PTK2: variants seen among roughly 807,000 people sequenced by gnomAD.
The protein encoded by PTK2 is focal adhesion kinase 1.
Under a neutral mutation model 150.1 loss-of-function variants are expected in PTK2, and 45 were observed. That is an observed-to-expected ratio of 0.30 (90% CI 0.24 to 0.38). The LOEUF (loss-of-function observed/expected upper bound fraction) is 0.38, where lower values mean the gene tolerates loss of function less well. Among genes scored for constraint, PTK2 ranks in the 10% least tolerant of loss-of-function variants. The probability of loss-of-function intolerance (pLI) is 1.00; values close to 1 mark genes in which losing one functional copy is unlikely to be tolerated. For missense variants in PTK2, 919 were observed against 1,307.3 expected (o/e 0.70, Z 4.58); for synonymous variants, 432 against 449.2 (o/e 0.96, Z 0.48).
chr8:140,735,451 C>T (rs751136268), exon 22 of PTK2: 1 of 1,613,896 alleles, frequency 6.2e-7, no homozygotes. Flanking sequence ...CCCACATACA[C>T]ACACCTGTCA....
chr8:140,853,980 A>G (rs541372710), intron 5 of PTK2, among the ~76,000 whole-genome samples: 1 of 152,334 alleles, frequency 6.6e-6, no homozygotes, highest in East Asian at 1.9e-4. Flanking sequence ...TTATCTGAAA[A>G]CTTGTAAAAC....
intron 26 of PTK2, among the ~76,000 whole-genome samples, chr8:140,692,448 C>T (rs2100023718): frequency 6.6e-6 from 1 of 152,166 alleles, no homozygotes; most frequent in Non-Finnish European, 1.5e-5. Context: ...GAAACCCCAT[C>T]TCTACTAAAA....
At chr8:140,836,350 A>C (rs967038783) in intron 7 of PTK2, among the ~76,000 whole-genome samples, 1 of 152,190 alleles carries the variant, frequency 6.6e-6, no homozygotes, top group African/African-American at 2.4e-5. Context: ...GAGAATGCCC[A>C]TCTCTTCCTC....
intron 1 of PTK2, among the ~76,000 whole-genome samples, chr8:140,985,616 C>T (rs1315211557): frequency 1.3e-5 from 2 of 152,168 alleles, no homozygotes; most frequent in Non-Finnish European, 2.9e-5. Context: ...CCCCACCTGG[C>T]TAATTCCCAT....
intron 1 of PTK2, among the ~76,000 whole-genome samples, chr8:140,982,716 C>T (rs572391371): frequency 6.6e-6 from 1 of 152,294 alleles, no homozygotes; most frequent in East Asian, 1.9e-4. Context: ...TAAAGAAATG[C>T]ATCATGAATT....
chr8:140,715,559 C>T (rs1302672242), intron 23 of PTK2, among the ~76,000 whole-genome samples: 1 of 152,064 alleles, frequency 6.6e-6, no homozygotes, highest in Non-Finnish European at 1.5e-5. Context: ...GCTATACTGT[C>T]TCTGCCACAA....
At chr8:140,885,059 A>T (rs1008825456) in intron 3 of PTK2, among the ~76,000 whole-genome samples, 10 of 152,182 alleles carry the variant, frequency 6.6e-5, no homozygotes, top group African/African-American at 2.2e-4. Context: ...ATGGTGGTGT[A>T]ATCTTAAGCA....
intron 28 of PTK2, among the ~76,000 whole-genome samples, chr8:140,675,066 C>CAA (rs57165594): frequency 7.3e-6 from 1 of 136,634 alleles, no homozygotes. Context: ...ACTCTGTATC[C>CAA]AAAAAAAAAA....
intron 6 of PTK2, 134 bp downstream of exon 6, chr8:140,846,465 G>C: frequency 8.7e-7 from 1 of 1,152,258 alleles, no homozygotes; most frequent in Non-Finnish European, 1.3e-6. Flanking sequence ...CAAACCAATA[G>C]TTCATAATTT....
chr8:140,875,604 C>A (rs568768287), intron 4 of PTK2, among the ~76,000 whole-genome samples: 7 of 152,270 alleles, frequency 4.6e-5, no homozygotes, highest in African/African-American at 1.7e-4. Context: ...AATTGGATGG[C>A]TTACATTCTA....
intron 1 of PTK2, among the ~76,000 whole-genome samples, chr8:140,935,423 C>A (rs2100173267): frequency 6.6e-6 from 1 of 152,138 alleles, no homozygotes. Context: ...ATAAATAACA[C>A]CTAGGCTGCG....
Position 140,743,447 on chromosome 8 carries a change from A to G in PTK2, c.1635-117T>C, listed in dbSNP as rs2100056860. 1.4e-5 allele frequency: 8 copies of G among 573,434 alleles called. No individual in the cohort carries two copies. The South Asian group carries it at 2.4e-4, about 17-fold the overall frequency. 35.5% of individuals were successfully genotyped at this position (573,434 alleles called of 1,614,324 possible). A position where few individuals can be genotyped will look rare whatever the true frequency, so the allele number is the denominator to read the frequency against. On this transcript the variant is annotated intron_variant, in intron 19 of 31. Transcript: ENST00000522684. The stretch of plus-strand genomic sequence containing the variant: ...AAGACAGCTTATATACAATGCGAGC[A>G]GATTATATGATATTTATTATAGGAT...
chr8:140,694,164 C>T (rs1189255584), intron 26 of PTK2, among the ~76,000 whole-genome samples: 2 of 151,738 alleles, frequency 1.3e-5, no homozygotes, highest in African/African-American at 4.8e-5. Context: ...CCTTAGCCTC[C>T]TGAGTAGCTG....
chr8:140,769,507 C>T (rs2100074353), intron 14 of PTK2, 68 bp downstream of exon 16: 2 of 1,121,784 alleles, frequency 1.8e-6, no homozygotes, highest in Non-Finnish European at 2.4e-6. Context: ...TCATTAAATA[C>T]TAAACTATAT....
Position 140,818,259 on chromosome 8 carries a change from A to G in PTK2, c.867+18T>C. 7 of 1,598,552 alleles carry G rather than the reference A, an allele frequency of 4.4e-6. No homozygotes were observed. The highest frequency in any genetic ancestry group is 6.0e-6 in the Non-Finnish European group (7 of 1,166,716). ...CTTTGTGTAACGCCAAGTTCCCGAA[A>G]GGTCAGAGCAGACTTACATTGCAGC... On this transcript the variant is annotated intron_variant, in intron 10 of 31. Transcript: ENST00000522684.
Position 140,686,480 on chromosome 8 carries a change from CAT to C in PTK2, c.2562+150_2562+151del, listed in dbSNP as rs2100019937. On this transcript the variant is annotated intron_variant, in intron 27 of 31. Transcript: ENST00000522684. ...TGAATAAAAATTCTAGGCTGTACAT[CAT>C]AGATTTTCATAATCTTAAAATGTTA... 4 of 752,408 alleles carry C rather than the reference CAT, an allele frequency of 5.3e-6. No homozygotes were observed. In the South Asian group the frequency reaches 6.8e-5, roughly 13 times the overall value. 46.6% of individuals were successfully genotyped at this position (752,408 alleles called of 1,614,324 possible).
chr8:140,827,098 C>A (rs968731347), intron 8 of PTK2, among the ~76,000 whole-genome samples: 1 of 152,020 alleles, frequency 6.6e-6, no homozygotes, highest in South Asian at 2.1e-4. Flanking sequence ...AATTTATATT[C>A]TAGAATCCAA....
chr8:140,686,926 C>T (rs541770683), intron 26 of PTK2: 2 of 514,222 alleles, frequency 3.9e-6, no homozygotes, highest in South Asian at 4.4e-5. Context: ...CTGCACTGGC[C>T]CACCCAGTGC....
At chr8:140,871,072 T>C (rs941699985) in intron 4 of PTK2, among the ~76,000 whole-genome samples, 8 of 152,160 alleles carry the variant, frequency 5.3e-5, no homozygotes, top group Non-Finnish European at 1.2e-4. Context: ...TTAATCCTGA[T>C]TAAAATTAAA....
Sources: gnomAD v4.1 joint callset for allele counts (sites outside exome capture counted in the v4.1 genomes callset) on GRCh38, gnomAD v4.1.1 for gene constraint, MANE v1.5 for transcripts, NCBI Gene and HGNC (gene_info 2026-07-23, HGNC 2026-07-21) for gene names.